Variants in TMX1 observed in about 807,000 individuals in gnomAD.
TMX1 encodes the protein thioredoxin-related transmembrane protein 1.
In TMX1, 25 loss-of-function variants were observed where a neutral mutation model predicts 36.6. That is an observed-to-expected ratio of 0.68 (90% CI 0.50 to 0.95). The LOEUF is 0.95. Among genes scored for constraint, TMX1 ranks in the 40% least tolerant of loss-of-function variants. TMX1 has a pLI of 0.00. For missense variants in TMX1, 347 were observed against 339.6 expected, an observed-to-expected ratio of 1.02 and a Z score of -0.17; for synonymous variants, 133 against 118.0, an observed-to-expected ratio of 1.13 and a Z score of -0.82.
chr14:51,245,195 C>T (rs935294130), intron 2 of TMX1, 118 bp from the exon 3 acceptor site: 51 of 1,210,446 alleles, frequency 4.2e-5, no homozygotes, highest in Non-Finnish European at 5.8e-5. Flanking sequence ...CGAAGCTCAA[C>T]TATTAGGTAT....
chr14:51,250,584 C>A (rs1018617293), intron 7 of TMX1, among the ~76,000 whole-genome samples: 1 of 152,144 alleles, frequency 6.6e-6, no homozygotes, highest in Admixed American at 6.6e-5. Context: ...CTCTGCCTTC[C>A]GGGTTCATGC....
rs867104679 is a variant in TMX1 at position 51,256,124 on chromosome 14, G to A, written c.*1605G>A. 4 of 152,534 alleles carry A rather than the reference G, an allele frequency of 2.6e-5. No homozygotes were observed. Among genetic ancestry groups the A allele is most frequent in the East Asian group, 1.9e-4 (1 of 5,200 alleles). 9.4% of individuals were successfully genotyped at this position (152,534 alleles called of 1,614,324 possible). ...GTATTTAACGATGTTCAGATGAGTA[G>A]TTGTGTGTTCCTATATATGTACTTG... On this transcript the variant is annotated 3_prime_UTR_variant, in exon 8 of 8. Coordinates refer to ENST00000457354, the MANE Select transcript of TMX1 (RefSeq NM_030755.5).
chr14:51,248,005 C>T (rs116823329), intron 4 of TMX1, among the ~76,000 whole-genome samples: 2,319 of 152,320 alleles, frequency 0.015, 25 homozygotes, highest in Middle Eastern at 0.058. Context: ...TGATGTCAAG[C>T]GACTGAATTA....
chr14:51,251,986 C>A (rs768070493), intron 7 of TMX1, among the ~76,000 whole-genome samples: 1 of 152,112 alleles, frequency 6.6e-6, no homozygotes, highest in Non-Finnish European at 1.5e-5. Flanking sequence ...AGAATACTGA[C>A]TCTGATAGAA....
At position 51,255,654 on chromosome 14, in the gene TMX1, A is replaced by C. The variant is rs1336159837; in HGVS notation, c.*1135A>C. 1 of 152,036 alleles carries C rather than the reference A, an allele frequency of 6.6e-6. No homozygotes were observed. The highest frequency in any genetic ancestry group is 1.9e-4 in the East Asian group (1 of 5,198). The allele number at this position is 152,036 out of a possible 1,614,324, so 9.4% of individuals were successfully genotyped here. On this transcript the variant is annotated 3_prime_UTR_variant, in exon 8 of 8. Transcript: ENST00000457354. ...CATTTTTATATTTTTTAAAAGACAA[A>C]CTTCATATTATCCTGTGTTCTTTCC...
In TMX1 at chr14:51,242,940, G is replaced by C. The variant is rs116014237; in HGVS notation, c.153-916G>C. 9.4e-3 allele frequency among the ~76,000 whole-genome samples: 1,435 copies of C among 152,228 alleles called. 20 individuals carry two copies. The highest frequency in any genetic ancestry group is 0.064 in the East Asian group (329 of 5,180). Reference sequence around the variant, plus strand: ...TATTTTCATTGTAATACGATTTATTGTTAGGAGCTTGGCTTTTATACTACC... The same window carrying C: ...TATTTTCATTGTAATACGATTTATTCTTAGGAGCTTGGCTTTTATACTACC... On this transcript the variant is annotated intron_variant, in intron 1 of 7. Transcript: ENST00000457354.
rs755444544 is a variant in TMX1 at position 51,254,497 on chromosome 14, C to G, written c.821C>G (p.Ser274Ter). Residue 274 changes from serine (S) to a stop codon, truncating the protein, a stop_gained, in exon 8 of 8, where the codon TCA (serine) becomes TGA (stop). Transcript: ENST00000457354. LOFTEE classifies it high-confidence loss of function. ...NAIRQRSLGP[S>*]LATDKS ...ATAAGACAACGCTCTCTGGGTCCATCATTGGCCACAGATAAATCCTAGTTA... is the reference window on the plus strand; with the variant it reads ...ATAAGACAACGCTCTCTGGGTCCATGATTGGCCACAGATAAATCCTAGTTA... 2 of 1,599,912 alleles carry G rather than the reference C, an allele frequency of 1.3e-6. No homozygotes were observed. Among genetic ancestry groups the G allele is most frequent in the Non-Finnish European group, 1.7e-6 (2 of 1,176,486 alleles).
chr14:51,254,396 G>A lies in TMX1; in HGVS notation c.720G>A (p.Glu240=). 1.1e-5 allele frequency: 18 copies of A among 1,612,194 alleles called. No individual in the cohort carries two copies. Among genetic ancestry groups the A allele is most frequent in the Non-Finnish European group, 1.5e-5 (18 of 1,179,182 alleles). Residue 240 remains glutamate, a synonymous_variant, in exon 8 of 8, where the codon GAG becomes GAA. Coordinates refer to ENST00000457354, the MANE Select transcript of TMX1 (RefSeq NM_030755.5). ...TGAAAAAAGTGGAGGAGGAACAAGA[G>A]GCGGATGAAGAAGATGTTTCAGAAG... ...QPLKKVEEEQ[E]ADEEDVSEEE... is the part of the protein sequence containing the mutation.
At chr14:51,241,119 G>A (rs187043967) in intron 1 of TMX1, among the ~76,000 whole-genome samples, 13 of 151,914 alleles carry the variant, frequency 8.6e-5, no homozygotes, top group African/African-American at 3.1e-4. Context: ...GTGACTCCTA[G>A]GTCTTTGTAA....
intron 7 of TMX1, among the ~76,000 whole-genome samples, chr14:51,252,532 A>ATAGGG (rs1191851229): frequency 6.6e-6 from 1 of 152,114 alleles, no homozygotes; most frequent in Admixed American, 6.5e-5. Context: ...CACTTAGGAG[A>ATAGGG]TAGGTATGTA....
chr14:51,257,111 G>C lies in TMX1; in HGVS notation c.*2592G>C, dbSNP rs1027348873. 1.3e-5 allele frequency: 2 copies of C among 151,986 alleles called. No homozygotes were observed. Among genetic ancestry groups the C allele is most frequent in the African/African-American group, 2.4e-5 (1 of 41,370 alleles). 9.4% of individuals were successfully genotyped at this position (151,986 alleles called of 1,614,324 possible). A position where few individuals can be genotyped will look rare whatever the true frequency, so the allele number is the denominator to read the frequency against. On this transcript the variant is annotated 3_prime_UTR_variant, in exon 8 of 8. Coordinates refer to ENST00000457354, the MANE Select transcript of TMX1 (RefSeq NM_030755.5). ...TGGGATTACAGGCATGTGCCACCAT[G>C]CCCGGCTATTATTTTGGTCTTAAAA...
At chr14:51,244,879 C>G (rs1424094063) in intron 2 of TMX1, among the ~76,000 whole-genome samples, 2 of 152,138 alleles carry the variant, frequency 1.3e-5, no homozygotes, top group African/African-American at 4.8e-5. Context: ...TTTTGCCTGT[C>G]TCATGAAAGA....
chr14:51,249,892 C>A, intron 7 of TMX1, 127 bp downstream of exon 7: 1 of 672,178 alleles, frequency 1.5e-6, no homozygotes, highest in Non-Finnish European at 2.5e-6. Flanking sequence ...TGGTCTTTAT[C>A]AGCTATGGCA....
chr14:51,247,489 TGG>T (rs1225297664), intron 4 of TMX1, among the ~76,000 whole-genome samples: 129 of 151,686 alleles, frequency 8.5e-4, no homozygotes, highest in Middle Eastern at 3.4e-3. Flanking sequence ...CCCGAGTAGC[TGG>T]GACTACAGGT....
Position 51,243,987 on chromosome 14 carries a change from G to A in TMX1, c.268+16G>A, listed in dbSNP as rs2065774186. On this transcript the variant is annotated intron_variant, in intron 2 of 7. Coordinates refer to ENST00000457354, the MANE Select transcript of TMX1 (RefSeq NM_030755.5). The stretch of plus-strand genomic sequence containing the variant: ...GAGCAGCCAGGTACTGTAAGTCTTT[G>A]GTTAGTTTTGTTTCTTTGCTGTTTG... The A allele has an allele frequency of 1.3e-6, 2 of 1,581,234 alleles. No homozygotes were observed. The highest frequency in any genetic ancestry group is 1.7e-4 in the Middle Eastern group (1 of 5,962).
chr14:51,247,320 G>A, intron 4 of TMX1, 100 bp downstream of exon 4: 6 of 1,001,004 alleles, frequency 6.0e-6, no homozygotes, highest in East Asian at 3.4e-5. Flanking sequence ...TTCTTGAGCT[G>A]TTAAGGTATA....
intron 3 of TMX1, among the ~76,000 whole-genome samples, chr14:51,246,265 C>G (rs948452919): frequency 3.9e-5 from 6 of 152,050 alleles, no homozygotes; most frequent in African/African-American, 1.5e-4. Context: ...ATTTCCTGCC[C>G]TTTTTCTTTT....
intron 3 of TMX1, 63 bp downstream of exon 3, chr14:51,245,421 G>T (rs2065781156): frequency 4.0e-5 from 64 of 1,601,480 alleles, no homozygotes; most frequent in Non-Finnish European, 5.3e-5. Flanking sequence ...AGAAGTAGTA[G>T]GCCTCTGGCT....
At chr14:51,249,264 T>C (rs778797963) in intron 4 of TMX1, 62 bp from the exon 5 acceptor site, 15 of 1,358,984 alleles carry the variant, frequency 1.1e-5, no homozygotes, top group Non-Finnish European at 1.4e-5. Flanking sequence ...GAGTAGAAAA[T>C]AGTATGTATA....
Sources: gnomAD v4.1 joint callset for allele counts (sites outside exome capture counted in the v4.1 genomes callset) on GRCh38, gnomAD v4.1.1 for gene constraint, MANE v1.5 for transcripts, NCBI Gene and HGNC (gene_info 2026-07-23, HGNC 2026-07-21) for gene names.